The following RNF103 variants were observed in gnomAD, a reference collection of about 807,000 sequenced individuals.
The protein encoded by RNF103 is ring finger protein 103.
In RNF103, 23 loss-of-function variants were observed where a neutral mutation model predicts 66.2. The observed-to-expected ratio is 0.35, with a 90% CI of 0.25 to 0.49. The LOEUF is 0.49. Among genes scored for constraint, RNF103 ranks in the 20% least tolerant of loss-of-function variants. The probability of loss-of-function intolerance (pLI) is 0.98; values close to 1 mark genes in which losing one functional copy is unlikely to be tolerated. For synonymous variants in RNF103, 297 were observed against 289.9 expected (o/e 1.02, Z -0.25); for missense variants, 730 against 814.7 (o/e 0.90, Z 1.27).
At position 86,623,858 on chromosome 2, in the gene RNF103, G is replaced by A. The variant is rs546380086; in HGVS notation, c.-972C>T. ...CAGCGGCGGCCGCGGCCGGAGCCGA[G>A]ACATAACAACTGACGTCGCGATGAG... On this transcript the variant is annotated 5_prime_UTR_variant, in exon 1 of 4. Transcript: ENST00000237455. The A allele has an allele frequency of 9.1e-4, 1,175 of 1,287,938 alleles. 11 individuals carry two copies. In the African/African-American group the frequency reaches 0.016, roughly 17 times the overall value. The allele number at this position is 1,287,938 out of a possible 1,614,324, so 79.8% of individuals were successfully genotyped here. A position where few individuals can be genotyped will look rare whatever the true frequency, so the allele number is the denominator to read the frequency against.
At chr2:86,607,469 G>C (rs1237002336) in intron 3 of RNF103, among the ~76,000 whole-genome samples, 1 of 152,164 alleles carries the variant, frequency 6.6e-6, no homozygotes, top group African/African-American at 2.4e-5. Flanking sequence ...CTGTCTAGGT[G>C]ACTCAAAATC....
At chr2:86,606,391 G>A (rs1320597039) in intron 3 of RNF103, among the ~76,000 whole-genome samples, 1 of 152,118 alleles carries the variant, frequency 6.6e-6, no homozygotes, top group Non-Finnish European at 1.5e-5. Flanking sequence ...CAGGCTGGGT[G>A]CAGTGGCTCA....
chr2:86,609,013 C>T (rs1009291551), intron 3 of RNF103, among the ~76,000 whole-genome samples: 3 of 152,162 alleles, frequency 2.0e-5, no homozygotes, highest in African/African-American at 4.8e-5. Flanking sequence ...TGTCTGTCCC[C>T]ACCAAACCTC....
intron 2 of RNF103, chr2:86,617,576 G>T: frequency 1.2e-6 from 1 of 833,880 alleles, no homozygotes; most frequent in Non-Finnish European, 1.4e-6. Flanking sequence ...CACGGTTTCA[G>T]GCATCCACTG....
rs1214525895 is a variant in RNF103 at position 86,604,944 on chromosome 2, T to C, written c.957A>G (p.Leu319=). ...CAAACAGATCATTTACCTCGGGTTG[T>C]AATGAGCGCAAAAATGAATCCATGG... The part of the protein sequence containing the change: ...LQAMDSFLRS[L]QPEVNDLFVL... Residue 319 remains leucine (L), a synonymous_variant, in exon 4 of 4, where the codon TTA becomes TTG. Transcript: ENST00000237455. The C allele has an allele frequency of 6.2e-7, 1 of 1,614,136 alleles. No individual in the cohort carries two copies. The highest frequency in any genetic ancestry group is 8.5e-7 in the Non-Finnish European group (1 of 1,180,024).
chr2:86,614,756 A>G (rs218060), intron 2 of RNF103: 2 of 964,300 alleles, frequency 2.1e-6, no homozygotes, highest in African/African-American at 1.8e-5. Context: ...ATCAAAGACA[A>G]GTTTAACTTA....
intron 1 of RNF103, 77 bp downstream of exon 1, chr2:86,622,584 G>C: frequency 2.8e-6 from 4 of 1,439,904 alleles, no homozygotes; most frequent in South Asian, 2.3e-5. Context: ...CACTCTGGGG[G>C]AACAGCCAGG....
At chr2:86,617,060 A>C in intron 2 of RNF103, 1 of 985,446 alleles carries the variant, frequency 1.0e-6, no homozygotes, top group Non-Finnish European at 1.2e-6. Flanking sequence ...AATGTTAGGA[A>C]TAACTTAGAA....
chr2:86,621,598 C>T (rs1263200904), intron 1 of RNF103, among the ~76,000 whole-genome samples: 1 of 152,090 alleles, frequency 6.6e-6, no homozygotes, highest in South Asian at 2.1e-4. Context: ...TTTTATAACC[C>T]GCAACCTACA....
At chr2:86,607,761 G>T (rs1269221034) in intron 3 of RNF103, among the ~76,000 whole-genome samples, 1 of 152,116 alleles carries the variant, frequency 6.6e-6, no homozygotes, top group East Asian at 1.9e-4. Flanking sequence ...CTTGATATTT[G>T]TGATGACACA....
chr2:86,615,523 TATATATATATATATA>T (rs1678983010), intron 2 of RNF103, among the ~76,000 whole-genome samples: 1 of 146,238 alleles, frequency 6.8e-6, no homozygotes. Context: ...ATATGCCTTA[TATATATATATATATA>T]ATATATATAC....
chr2:86,618,709 G>A (rs1267372001), intron 2 of RNF103: 2 of 152,154 alleles, frequency 1.3e-5, no homozygotes, highest in African/African-American at 2.4e-5. Context: ...ACTGAAAGCA[G>A]GGCAGTGGGA....
At chr2:86,608,486 C>CAAAAAA (rs1222638516) in intron 3 of RNF103, among the ~76,000 whole-genome samples, 8 of 40,060 alleles carry the variant, frequency 2.0e-4, no homozygotes, top group Middle Eastern at 0.011. Context: ...GACTCCATCT[C>CAAAAAA]AAAAAAAAAA....
intron 2 of RNF103, 124 bp from the exon 3 acceptor site, chr2:86,612,398 G>T (rs1678834298): frequency 4.9e-6 from 3 of 607,292 alleles, no homozygotes; most frequent in Non-Finnish European, 8.7e-6. Context: ...CTTGTTTACT[G>T]TATCATCACA....
Position 86,622,957 on chromosome 2 carries a change from G to A in RNF103, c.-71C>T. Reference sequence around the variant, plus strand: ...GAGAGAAGGGTCGAGGGCGGGGGCCGCGGCTCGGTGGCAGCTTGGGCGAGG... The same window carrying A: ...GAGAGAAGGGTCGAGGGCGGGGGCCACGGCTCGGTGGCAGCTTGGGCGAGG... On this transcript the variant is annotated 5_prime_UTR_variant, in exon 1 of 4. Transcript: ENST00000237455. 1.3e-6 allele frequency: 2 copies of A among 1,491,208 alleles called. No individual in the cohort carries two copies. Among genetic ancestry groups the A allele is most frequent in the South Asian group, 1.3e-5 (1 of 77,058 alleles). 92.4% of individuals were successfully genotyped at this position (1,491,208 alleles called of 1,614,324 possible).
intron 3 of RNF103, among the ~76,000 whole-genome samples, chr2:86,609,530 G>A (rs1311907450): frequency 6.6e-6 from 1 of 151,938 alleles, no homozygotes; most frequent in African/African-American, 2.4e-5. Context: ...GGGATTACAG[G>A]CACCCGCCAC....
rs1405651720 is a variant in RNF103, at chr2:86,604,634, T to C, written c.1267A>G (p.Thr423Ala). The C allele has an allele frequency of 1.2e-6, 2 of 1,614,048 alleles. No individual in the cohort carries two copies. The highest frequency in any genetic ancestry group is 8.5e-7 in the Non-Finnish European group (1 of 1,180,040). The change falls in exon 4 of 4, where the codon ACA becomes GCA. Residue 423 changes from threonine (T) to alanine (A), a missense_variant. Thr to Ala is a moderately conservative substitution (Grantham distance 58). This residue lies in a region of RNF103 where 355 missense variants were observed against 351.9 expected (regional missense o/e 1.01). Coordinates refer to ENST00000237455, the MANE Select transcript of RNF103 (RefSeq NM_005667.4). ...ATTAGTAAACCATGACCAAGGTATG[T>C]ACTGAGAAACAGGGCTGGGTGTGAA... is the stretch of plus-strand genomic sequence containing the variant. ...YSSHPALFLSTYLGHGLLIDY... is the reference protein window; with the variant it reads ...YSSHPALFLSAYLGHGLLIDY...
chr2:86,608,832 C>T, intron 3 of RNF103, among the ~76,000 whole-genome samples: 1 of 152,196 alleles, frequency 6.6e-6, no homozygotes, highest in African/African-American at 2.4e-5. Context: ...GAAAAGCCCT[C>T]TGAAATCGAT....
At position 86,604,693 on chromosome 2, in the gene RNF103, G is replaced by A. The variant is rs1376526802; in HGVS notation, c.1208C>T (p.Ala403Val). Reference protein sequence around the residue: ...LLRYSNTTTLASWVRADWMFY... With the variant: ...LLRYSNTTTLVSWVRADWMFY... ...CATCCAGTCTGCCCTTACCCATGAA[G>A]CCAGTGTGGTTGTATTGGAATATCT... Residue 403 changes from alanine to valine, a missense_variant, in exon 4 of 4, where the codon GCT becomes GTT. Physicochemically the swap from Ala to Val is moderately conservative, Grantham distance 64 (BLOSUM62 0). Coordinates refer to ENST00000237455, the MANE Select transcript of RNF103 (RefSeq NM_005667.4). 1.2e-6 allele frequency: 2 copies of A among 1,614,186 alleles called. No individual in the cohort carries two copies. Among genetic ancestry groups the A allele is most frequent in the Non-Finnish European group, 8.5e-7 (1 of 1,180,036 alleles).
Sources: gnomAD v4.1 joint callset for allele counts (sites outside exome capture counted in the v4.1 genomes callset) on GRCh38, gnomAD v4.1.1 for gene constraint, gnomAD v4.1.1 regional missense constraint, MANE v1.5 for transcripts, NCBI Gene and HGNC (gene_info 2026-07-23, HGNC 2026-07-21) for gene names.